The following ERICH5 variants were observed in gnomAD, a reference collection of about 807,000 sequenced individuals.
ERICH5 encodes glutamate-rich protein 5.
ERICH5 carries 24 observed loss-of-function variants against 28.0 expected under a neutral mutation model. The observed-to-expected ratio is 0.86, with a 90% CI of 0.62 to 1.21. The LOEUF is 1.21. Ranked by LOEUF, ERICH5 falls within the 50% of genes most tolerant of loss-of-function variation. The pLI is 0.00. For missense variants in ERICH5, 421 were observed against 441.2 expected, an observed-to-expected ratio of 0.95 and a Z score of 0.41; for synonymous variants, 163 against 157.6, an observed-to-expected ratio of 1.03 and a Z score of -0.25.
intron 1 of ERICH5, among the ~76,000 whole-genome samples, chr8:98,065,776 G>A (rs1200783320): frequency 1.3e-5 from 2 of 152,166 alleles, no homozygotes; most frequent in African/African-American, 2.4e-5. Flanking sequence ...CTTTAGCGGG[G>A]ATTTTGTACT....
intron 1 of ERICH5, among the ~76,000 whole-genome samples, chr8:98,088,484 A>C (rs1015520580): frequency 2.0e-5 from 3 of 152,204 alleles, no homozygotes; most frequent in African/African-American, 7.2e-5. Context: ...AAATGACATG[A>C]AACTCAGGCT....
At chr8:98,090,724 T>C (rs1815369950) in intron 2 of ERICH5, among the ~76,000 whole-genome samples, 1 of 152,148 alleles carries the variant, frequency 6.6e-6, no homozygotes, top group Admixed American at 6.5e-5. Context: ...TAGCATATGG[T>C]GTTTTAAAAT....
intron 1 of ERICH5, among the ~76,000 whole-genome samples, chr8:98,079,626 G>T (rs144202290): frequency 6.6e-6 from 1 of 152,096 alleles, no homozygotes; most frequent in Non-Finnish European, 1.5e-5. Flanking sequence ...TGCAACCTCC[G>T]CCTCCTGGGT....
At chr8:98,081,649 C>T (rs1190899279) in intron 1 of ERICH5, among the ~76,000 whole-genome samples, 3 of 152,062 alleles carry the variant, frequency 2.0e-5, no homozygotes, top group Non-Finnish European at 2.9e-5. Flanking sequence ...CTACACTGGC[C>T]GGGTGCTGTG....
Position 98,089,689 on chromosome 8 carries a change from G to T in ERICH5, c.672G>T (p.Glu224Asp). The change falls in exon 2 of 3, where the codon GAG becomes GAT. Residue 224 changes from glutamate to aspartate, a missense_variant. Transcript: ENST00000318528. ...QAPLLETISK[E>D]NESPEILEGS... The stretch of plus-strand genomic sequence containing the variant: ...CGCTTCTAGAAACAATTTCCAAAGA[G>T]AATGAATCTCCAGAAATATTGGAAG... The T allele has an allele frequency of 6.2e-7, 1 of 1,614,140 alleles. No individual in the cohort carries two copies. Among genetic ancestry groups the T allele is most frequent in the Non-Finnish European group, 8.5e-7 (1 of 1,180,020 alleles).
chr8:98,071,921 T>A (rs557776491), intron 1 of ERICH5, among the ~76,000 whole-genome samples: 2,135 of 152,080 alleles, frequency 0.014, 52 homozygotes, highest in African/African-American at 0.046. Context: ...TTTTATTTTT[T>A]TTTTTTGGTA....
intron 1 of ERICH5, among the ~76,000 whole-genome samples, chr8:98,065,761 G>A (rs1214638059): frequency 1.3e-5 from 2 of 152,216 alleles, no homozygotes; most frequent in African/African-American, 4.8e-5. Context: ...CTTCTGCAAG[G>A]CGAACTTTAG....
At chr8:98,080,630 ACCTTCTTCTCCTTCTCCTTCTTCTTCT>A (rs1815163702) in intron 1 of ERICH5, among the ~76,000 whole-genome samples, 1 of 116,230 alleles carries the variant, frequency 8.6e-6, no homozygotes, top group Non-Finnish European at 1.9e-5. Flanking sequence ...CTTCTCCTTC[ACCTTCTTCTCCTTCTCCTTCTTCTTCT>A]CCTCCTTCTC....
At position 98,089,207 on chromosome 8, in the gene ERICH5, A is replaced by C. The variant is rs1191847422; in HGVS notation, c.190A>C (p.Lys64Gln). ...VQRESRPPLQ[K>Q]LKVSAEPTAN... ...AAGGGAAAGCCGTCCTCCCTTACAA[A>C]AGCTCAAGGTTTCAGCAGAGCCTAC... The change falls in exon 2 of 3, where the codon AAG (lysine) becomes CAG (glutamine). Residue 64 changes from lysine (K) to glutamine (Q), a missense_variant. Transcript: ENST00000318528. 1 of 1,614,192 alleles carries C rather than the reference A, an allele frequency of 6.2e-7. No homozygotes were observed. Among genetic ancestry groups the C allele is most frequent in the South Asian group, 1.1e-5 (1 of 91,076 alleles).
rs1815349728 is a variant in ERICH5 at position 98,089,829 on chromosome 8, TGGA to T, written c.813_815del (p.Leu271_Asp272delinsPhe). On this transcript the variant is annotated inframe_deletion, in exon 2 of 3. Coordinates refer to ENST00000318528, the MANE Select transcript of ERICH5 (RefSeq NM_173549.3). ...AAAGAGAATGTAACACCAGAAGTATTGGACAGAAGTCAGCTTGTGGAAAAGCCT... is the reference window on the plus strand; with the variant it reads ...AAAGAGAATGTAACACCAGAAGTATTCAGAAGTCAGCTTGTGGAAAAGCCT... 1 of 1,614,074 alleles carries T rather than the reference TGGA, an allele frequency of 6.2e-7. No individual in the cohort carries two copies. Among genetic ancestry groups the T allele is most frequent in the Non-Finnish European group, 8.5e-7 (1 of 1,180,036 alleles).
At chr8:98,071,018 C>T (rs976638101) in intron 1 of ERICH5, among the ~76,000 whole-genome samples, 1 of 152,148 alleles carries the variant, frequency 6.6e-6, no homozygotes, top group African/African-American at 2.4e-5. Context: ...AATCCCAGCA[C>T]TGTGGGAGGC....
At chr8:98,067,758 G>A (rs1295521878) in intron 1 of ERICH5, among the ~76,000 whole-genome samples, 2 of 151,854 alleles carry the variant, frequency 1.3e-5, no homozygotes, top group Non-Finnish European at 2.9e-5. Flanking sequence ...TGGGATTACA[G>A]GCATGTGCCA....
chr8:98,079,721 G>A (rs1341805388), intron 1 of ERICH5, among the ~76,000 whole-genome samples: 1 of 152,090 alleles, frequency 6.6e-6, no homozygotes, highest in African/African-American at 2.4e-5. Context: ...TGTATTTTTA[G>A]TAGAGACGGG....
intron 1 of ERICH5, among the ~76,000 whole-genome samples, chr8:98,074,932 A>G (rs964694740): frequency 2.6e-5 from 4 of 152,150 alleles, no homozygotes; most frequent in Non-Finnish European, 5.9e-5. Context: ...TGTAGTCATC[A>G]TGCCTCCTTC....
intron 1 of ERICH5, among the ~76,000 whole-genome samples, chr8:98,073,977 G>T (rs1815000984): frequency 6.6e-6 from 1 of 150,504 alleles, no homozygotes; most frequent in Non-Finnish European, 1.5e-5. Context: ...GAATGCAGTG[G>T]CGCTATCACA....
chr8:98,087,282 T>C (rs1815299885), intron 1 of ERICH5, among the ~76,000 whole-genome samples: 1 of 152,154 alleles, frequency 6.6e-6, no homozygotes. Context: ...CCAAAACAGC[T>C]AAAAGAATTA....
At chr8:98,079,782 C>T (rs1252855471) in intron 1 of ERICH5, among the ~76,000 whole-genome samples, 1 of 152,174 alleles carries the variant, frequency 6.6e-6, no homozygotes, top group African/African-American at 2.4e-5. Context: ...TCGGGTGATC[C>T]ACCTGCCTTA....
intron 1 of ERICH5, among the ~76,000 whole-genome samples, chr8:98,081,404 ACAC>A (rs1815181324): frequency 6.6e-6 from 1 of 152,114 alleles, no homozygotes; most frequent in South Asian, 2.1e-4. Context: ...CCACACCCAG[ACAC>A]TGTGCACCTA....
intron 1 of ERICH5, among the ~76,000 whole-genome samples, chr8:98,082,217 A>G (rs1815195844): frequency 6.6e-6 from 1 of 152,086 alleles, no homozygotes; most frequent in African/African-American, 2.4e-5. Context: ...GGCTACCACA[A>G]AAAAAATATT....
Sources: gnomAD v4.1 joint callset for allele counts (sites outside exome capture counted in the v4.1 genomes callset) on GRCh38, gnomAD v4.1.1 for gene constraint, MANE v1.5 for transcripts, NCBI Gene and HGNC (gene_info 2026-07-23, HGNC 2026-07-21) for gene names.